ERBB4: variants seen among roughly 807,000 people sequenced by gnomAD.
The protein encoded by ERBB4 is receptor tyrosine-protein kinase erbB-4.
Under a neutral mutation model 158.0 loss-of-function variants are expected in ERBB4, and 42 were observed. The observed-to-expected ratio is 0.27, with a 90% CI of 0.21 to 0.34. The LOEUF is 0.34. Ranked by LOEUF, ERBB4 falls within the 10% of genes least tolerant of loss-of-function variation. The pLI is 1.00. For missense variants in ERBB4, 1,333 were observed against 1,624.1 expected, an observed-to-expected ratio of 0.82 and a Z score of 3.08; for synonymous variants, 583 against 558.7, an observed-to-expected ratio of 1.04 and a Z score of -0.61.
chr2:211,405,725 C>A (rs2063132921), intron 25 of ERBB4, among the ~76,000 whole-genome samples: 1 of 152,052 alleles, frequency 6.6e-6, no homozygotes, highest in Non-Finnish European at 1.5e-5. Context: ...AAATTTCTCT[C>A]AAAAAGGATA....
chr2:211,956,273 G>C (rs2081028410), intron 2 of ERBB4, among the ~76,000 whole-genome samples: 1 of 152,074 alleles, frequency 6.6e-6, no homozygotes, highest in South Asian at 2.1e-4. Context: ...TAGTAAGAAT[G>C]TTTGGAAACC....
chr2:212,048,878 T>C (rs890021844), intron 2 of ERBB4, among the ~76,000 whole-genome samples: 3 of 152,130 alleles, frequency 2.0e-5, no homozygotes, highest in Non-Finnish European at 4.4e-5. Flanking sequence ...CATTCGAACA[T>C]GGAATAAATA....
chr2:211,430,725 G>A (rs2063729144), intron 21 of ERBB4, among the ~76,000 whole-genome samples: 1 of 151,564 alleles, frequency 6.6e-6, no homozygotes, highest in Non-Finnish European at 1.5e-5. Context: ...TTTGAGAAAC[G>A]GAAGCTGGTA....
chr2:211,995,127 A>G (rs1458558103), intron 2 of ERBB4, among the ~76,000 whole-genome samples: 3 of 152,164 alleles, frequency 2.0e-5, no homozygotes, highest in Admixed American at 2.0e-4. Flanking sequence ...GGATTCATTA[A>G]TTTCTTATTT....
At position 211,642,436 on chromosome 2, in the gene ERBB4, G is replaced by A. The variant is rs551569224; in HGVS notation, c.1947-11842C>T. Among the ~76,000 whole-genome samples the A allele has an allele frequency of 5.3e-5, 8 of 151,916 alleles. No homozygotes were observed. In the South Asian group the frequency reaches 1.2e-3, roughly 24 times the overall value. ...TCACTCATTTTCTGCTATTTGCTCCGTGTTACCCTGACCTCTAAATATAGG... is the reference window on the plus strand; with the variant it reads ...TCACTCATTTTCTGCTATTTGCTCCATGTTACCCTGACCTCTAAATATAGG... On this transcript the variant is annotated intron_variant, in intron 16 of 27. Coordinates refer to ENST00000342788, the MANE Select transcript of ERBB4 (RefSeq NM_005235.3).
Position 211,402,353 on chromosome 2 carries a change from T to C in ERBB4, c.3136-14361A>G, listed in dbSNP as rs186569085. ...AAGAAAATTTAGATCTAGTTATCCT[T>C]GCAAAAAACGATAAATGAGAAGAGA... On this transcript the variant is annotated intron_variant, in intron 25 of 27. Transcript: ENST00000342788. Among the ~76,000 whole-genome samples the C allele has an allele frequency of 5.6e-3, 847 of 152,164 alleles. 10 individuals are homozygous for C. Among genetic ancestry groups the C allele is most frequent in the South Asian group, 0.021 (103 of 4,826 alleles).
At chr2:211,446,582 T>TTGAAGAAGAA (rs1384284816) in intron 20 of ERBB4, among the ~76,000 whole-genome samples, 10 of 152,174 alleles carry the variant, frequency 6.6e-5, no homozygotes, top group African/African-American at 2.4e-4. Context: ...AAGACTTTCT[T>TTGAAGAAGAA]ACTATCACCA....
At chr2:211,627,085 CT>C (rs2069888979) in intron 17 of ERBB4, among the ~76,000 whole-genome samples, 1 of 152,160 alleles carries the variant, frequency 6.6e-6, no homozygotes, top group Admixed American at 6.5e-5. Flanking sequence ...TGAGCCTTCC[CT>C]GTGTGTGGTT....
chr2:211,825,967 C>T (rs890789068), intron 3 of ERBB4, among the ~76,000 whole-genome samples: 3 of 150,030 alleles, frequency 2.0e-5, no homozygotes, highest in Middle Eastern at 3.3e-3. Context: ...TTTTCTAGAG[C>T]AGAACTTCCA....
chr2:211,409,014 G>T (rs112122313), intron 25 of ERBB4, among the ~76,000 whole-genome samples: 7,065 of 152,116 alleles, frequency 0.046, 242 homozygotes, highest in Non-Finnish European at 0.068. Flanking sequence ...AACGAAAAAG[G>T]CTTCATAAAA....
At chr2:212,044,683 T>A (rs1046769819) in intron 2 of ERBB4, among the ~76,000 whole-genome samples, 2 of 152,198 alleles carry the variant, frequency 1.3e-5, no homozygotes, top group Non-Finnish European at 2.9e-5. Context: ...TTCAAAAGGA[T>A]GCAATGCTTA....
chr2:212,107,978 T>C (rs1045730934), intron 2 of ERBB4, among the ~76,000 whole-genome samples: 3 of 152,218 alleles, frequency 2.0e-5, no homozygotes, highest in Admixed American at 2.0e-4. Context: ...CAGTCTCGGG[T>C]TTGTCTTTAT....
chr2:211,707,337 C>A (rs576497894), intron 9 of ERBB4, among the ~76,000 whole-genome samples: 1 of 152,058 alleles, frequency 6.6e-6, no homozygotes, highest in African/African-American at 2.4e-5. Context: ...TATAGCCACT[C>A]GAAATACATA....
chr2:211,751,055 T>C (rs913619537), intron 4 of ERBB4, among the ~76,000 whole-genome samples: 9 of 152,216 alleles, frequency 5.9e-5, no homozygotes, highest in Admixed American at 1.3e-4. Context: ...CTACTTGATA[T>C]AATTTCCAGA....
chr2:211,945,836 T>G (rs1401953501), intron 3 of ERBB4, among the ~76,000 whole-genome samples: 1 of 152,098 alleles, frequency 6.6e-6, no homozygotes, highest in Non-Finnish European at 1.5e-5. Flanking sequence ...GCACATCTTA[T>G]GGAATAATAA....
chr2:211,828,638 A>ACT (rs1484001240), intron 3 of ERBB4, among the ~76,000 whole-genome samples: 3 of 152,118 alleles, frequency 2.0e-5, no homozygotes, highest in African/African-American at 7.2e-5. Flanking sequence ...CTCAGAAACC[A>ACT]ATATATAAAG....
chr2:211,528,996 T>TAA (rs1382097006), intron 20 of ERBB4, among the ~76,000 whole-genome samples: 4 of 149,590 alleles, frequency 2.7e-5, no homozygotes, highest in African/African-American at 9.8e-5. Context: ...TGAAAGAAAA[T>TAA]AAAAAATCTG....
chr2:212,490,167 T>A (rs927851137), intron 1 of ERBB4, among the ~76,000 whole-genome samples: 1 of 151,866 alleles, frequency 6.6e-6, no homozygotes, highest in African/African-American at 2.4e-5. Flanking sequence ...GGATGACTAA[T>A]CATTTTCTTT....
At position 211,905,647 on chromosome 2, in the gene ERBB4, CATATATATATATATATATAT is replaced by C. The variant is rs56758130; in HGVS notation, c.421+41763_421+41782del. 2.4e-3 allele frequency among the ~76,000 whole-genome samples: 171 copies of C among 71,450 alleles called. 1 individual carries two copies. Among genetic ancestry groups the C allele is most frequent in the African/African-American group, 7.9e-3 (151 of 19,088 alleles). The allele number at this position is 71,450 out of a possible 152,430, so 46.9% of individuals were successfully genotyped here. ...TGAAGAGCAGTAAAGTAGGAAGGAT[CATATATATATATATATATAT>C]ATATATATATATATACACACATATA... is the stretch of plus-strand genomic sequence containing the variant. On this transcript the variant is annotated intron_variant, in intron 3 of 27. Transcript: ENST00000342788.
Sources: gnomAD v4.1 joint callset for allele counts (sites outside exome capture counted in the v4.1 genomes callset) on GRCh38, gnomAD v4.1.1 for gene constraint, MANE v1.5 for transcripts, NCBI Gene and HGNC (gene_info 2026-07-23, HGNC 2026-07-21) for gene names.